RORA: variants seen among roughly 807,000 people sequenced by gnomAD.
RORA encodes the protein nuclear receptor ROR-alpha.
A neutral mutation model predicts 69.5 loss-of-function variants in RORA; 7 were observed. That is an observed-to-expected ratio of 0.10 (90% CI 0.06 to 0.19). RORA has a LOEUF of 0.19. RORA is among the 10% of genes least tolerant of loss of function. RORA has a pLI of 1.00. For synonymous variants in RORA, 261 were observed against 240.8 expected (o/e 1.08, Z -0.78); for missense variants, 457 against 663.0 (o/e 0.69, Z 3.41).
chr15:61,189,071 A>T (rs1208054912), intron 1 of RORA, among the ~76,000 whole-genome samples: 2 of 152,194 alleles, frequency 1.3e-5, no homozygotes, highest in East Asian at 3.9e-4. Context: ...AGCAAGGGGG[A>T]TGCAAGAGCA....
intron 1 of RORA, among the ~76,000 whole-genome samples, chr15:61,043,512 T>A (rs1230158949): frequency 6.6e-6 from 1 of 152,234 alleles, no homozygotes; most frequent in Non-Finnish European, 1.5e-5. Flanking sequence ...TATTTCAGAA[T>A]GTATTACTCT....
At chr15:61,044,880 C>T (rs899571005) in intron 1 of RORA, among the ~76,000 whole-genome samples, 1 of 152,174 alleles carries the variant, frequency 6.6e-6, no homozygotes, top group Admixed American at 6.5e-5. Context: ...TGAAGCACTG[C>T]CCTGGGGTCT....
In RORA at chr15:61,039,291, A is replaced by T. The variant is rs369364037; in HGVS notation, c.166+189762T>A. ...AAAATTTGAGGGGAAAAATCTGGCA[A>T]AATACAGTTGGGCTCTTGTCAACCT... On this transcript the variant is annotated intron_variant, in intron 1 of 10. Coordinates refer to ENST00000335670, the MANE Select transcript of RORA (RefSeq NM_134261.3). Among the ~76,000 whole-genome samples, 3 of 152,316 alleles carry T rather than the reference A, an allele frequency of 2.0e-5. No individual in the cohort carries two copies. In the East Asian group the frequency reaches 5.8e-4, roughly 29 times the overall value.
intron 1 of RORA, among the ~76,000 whole-genome samples, chr15:60,961,938 T>A (rs1018084884): frequency 6.6e-6 from 1 of 152,136 alleles, no homozygotes; most frequent in African/African-American, 2.4e-5. Context: ...CGAATATATA[T>A]GTGAAAGGTG....
chr15:60,758,232 A>G (rs879413773), intron 1 of RORA, among the ~76,000 whole-genome samples: 3 of 152,138 alleles, frequency 2.0e-5, no homozygotes, highest in Non-Finnish European at 2.9e-5. Flanking sequence ...CCATGCTACA[A>G]TAAGCATGTA....
intron 2 of RORA, among the ~76,000 whole-genome samples, chr15:60,641,498 G>A (rs952414848): frequency 9.2e-5 from 14 of 151,600 alleles, no homozygotes; most frequent in Admixed American, 2.0e-4. Context: ...CAACCTCCGC[G>A]TCCTGGGTTC....
chr15:61,182,519 G>C (rs1289819100), intron 1 of RORA, among the ~76,000 whole-genome samples: 1 of 152,204 alleles, frequency 6.6e-6, no homozygotes, highest in Admixed American at 6.5e-5. Flanking sequence ...GCCAACTGCA[G>C]GAAGATGGAA....
In RORA at chr15:60,976,827, C is replaced by T. The variant is rs560727639; in HGVS notation, c.166+252226G>A. Among the ~76,000 whole-genome samples, 119 of 152,288 alleles carry T rather than the reference C, an allele frequency of 7.8e-4. 2 individuals are homozygous for T. Among genetic ancestry groups the T allele is most frequent in the Admixed American group, 6.7e-3 (103 of 15,302 alleles). ...AGTTCTTTTGGCTTAGGAGGGAGGA[C>T]ATGGCCCAGCTCACCCACCACCTGC... On this transcript the variant is annotated intron_variant, in intron 1 of 10. Coordinates refer to ENST00000335670, the MANE Select transcript of RORA (RefSeq NM_134261.3).
At chr15:60,878,343 CAAAAAA>C (rs35845582) in intron 1 of RORA, among the ~76,000 whole-genome samples, 154 of 68,418 alleles carry the variant, frequency 2.3e-3, no homozygotes, top group African/African-American at 7.8e-3. Flanking sequence ...GACTCTGTCT[CAAAAAA>C]AAAAAAAAAA....
intron 1 of RORA, among the ~76,000 whole-genome samples, chr15:61,134,887 T>C (rs1020246806): frequency 1.3e-5 from 2 of 152,098 alleles, no homozygotes; most frequent in East Asian, 1.9e-4. Context: ...TATAGAATCA[T>C]AGACCCTGTC....
At chr15:60,992,682 TG>T (rs34299559) in intron 1 of RORA, among the ~76,000 whole-genome samples, 41,321 of 152,046 alleles carry the variant, frequency 0.27, 5,826 homozygotes, top group South Asian at 0.39. Flanking sequence ...TCTGACACCG[TG>T]GATGTTTTCA....
intron 2 of RORA, among the ~76,000 whole-genome samples, chr15:60,575,380 C>T (rs1037088585): frequency 2.0e-5 from 3 of 152,108 alleles, no homozygotes; most frequent in African/African-American, 4.8e-5. Flanking sequence ...AGTATAAATG[C>T]CTTCAGTTTC....
At chr15:60,673,344 T>C (rs2140739939) in intron 2 of RORA, among the ~76,000 whole-genome samples, 1 of 152,356 alleles carries the variant, frequency 6.6e-6, no homozygotes, top group South Asian at 2.1e-4. Flanking sequence ...TTTAATATGA[T>C]GAGACAGAGA....
In RORA at chr15:61,131,694, C is replaced by T. The variant is rs1348685076; in HGVS notation, c.166+97359G>A. Among the ~76,000 whole-genome samples the T allele has an allele frequency of 1.3e-5, 2 of 152,172 alleles. No individual in the cohort carries two copies. Among genetic ancestry groups the T allele is most frequent in the African/African-American group, 4.8e-5 (2 of 41,436 alleles). ...TTAATATGAAATGAAAGGCAATGTG[C>T]CAACATCGGAGCTCAATTTGGTACA... On this transcript the variant is annotated intron_variant, in intron 1 of 10. Transcript: ENST00000335670. This position sits in a 1 kb window ranked among gnomAD's most constrained non-coding sequence, Gnocchi z 4.2.
chr15:60,687,358 G>A (rs1029848454), intron 1 of RORA, among the ~76,000 whole-genome samples: 3 of 152,152 alleles, frequency 2.0e-5, no homozygotes, highest in Non-Finnish European at 4.4e-5. Context: ...ATGAAAAACT[G>A]ATTAAATTAT....
intron 1 of RORA, among the ~76,000 whole-genome samples, chr15:60,939,163 A>G (rs562881985): frequency 1.3e-5 from 2 of 152,304 alleles, no homozygotes; most frequent in South Asian, 4.1e-4. Flanking sequence ...TGTCATTCCA[A>G]TCATGGATTC....
At position 60,559,395 on chromosome 15, in the gene RORA, T is replaced by C. The variant is rs1419600524; in HGVS notation, c.197-27544A>G. Among the ~76,000 whole-genome samples, 6 of 152,356 alleles carry C rather than the reference T, an allele frequency of 3.9e-5. 1 individual carries two copies. Among genetic ancestry groups the C allele is most frequent in the African/African-American group, 2.4e-5 (1 of 41,582 alleles). On this transcript the variant is annotated intron_variant, in intron 2 of 10. Coordinates refer to ENST00000335670, the MANE Select transcript of RORA (RefSeq NM_134261.3). ...TAATATTTTGTCTTAGAATTAGCTA[T>C]GTCTTGGAACCCAACCAGATAACTA...
chr15:60,562,886 T>C (rs1408153466), intron 2 of RORA, among the ~76,000 whole-genome samples: 1 of 152,206 alleles, frequency 6.6e-6, no homozygotes, highest in Non-Finnish European at 1.5e-5. Context: ...CAATAGCTTA[T>C]GTTATTTAAA....
At chr15:60,897,260 C>A (rs1230442823) in intron 1 of RORA, among the ~76,000 whole-genome samples, 1 of 152,174 alleles carries the variant, frequency 6.6e-6, no homozygotes, top group African/African-American at 2.4e-5. Flanking sequence ...TTACAAATTT[C>A]ACTCCAGTTC....
Sources: gnomAD v4.1 joint callset for allele counts (sites outside exome capture counted in the v4.1 genomes callset) on GRCh38, gnomAD v4.1.1 for gene constraint, Gnocchi (gnomAD v3.1) non-coding constraint, MANE v1.5 for transcripts, NCBI Gene and HGNC (gene_info 2026-07-23, HGNC 2026-07-21) for gene names.